The following ZNF106 variants were observed in gnomAD, a reference collection of about 807,000 sequenced individuals.
ZNF106 encodes SH3-domain binding protein 3.
Under a neutral mutation model 195.1 loss-of-function variants are expected in ZNF106, and 67 were observed. That is an observed-to-expected ratio of 0.34 (90% CI 0.28 to 0.42). The LOEUF (loss-of-function observed/expected upper bound fraction) is 0.42. ZNF106 is among the 10% of genes least tolerant of loss of function. ZNF106 has a pLI of 1.00. For synonymous variants in ZNF106, 784 were observed against 818.6 expected (o/e 0.96, Z 0.72); for missense variants, 2,118 against 2,304.5 (o/e 0.92, Z 1.66).
chr15:42,469,054 G>A (rs535814654), intron 2 of ZNF106, among the ~76,000 whole-genome samples: 4 of 151,970 alleles, frequency 2.6e-5, no homozygotes, highest in Admixed American at 6.6e-5. Context: ...GCGTGGTGGC[G>A]CATGCCTGTA....
chr15:42,466,659 T>C (rs1567026985), intron 2 of ZNF106, among the ~76,000 whole-genome samples: 1 of 152,216 alleles, frequency 6.6e-6, no homozygotes, highest in Non-Finnish European at 1.5e-5. Context: ...CTATGCTAGA[T>C]AAGAAAGTTT....
chr15:42,432,911 C>A (rs2055109287), intron 14 of ZNF106, among the ~76,000 whole-genome samples: 1 of 151,890 alleles, frequency 6.6e-6, no homozygotes, highest in African/African-American at 2.4e-5. Flanking sequence ...CTCTTGTAGA[C>A]AACAAAGATT....
At chr15:42,478,840 T>A (rs1341431697) in intron 1 of ZNF106, among the ~76,000 whole-genome samples, 1 of 152,092 alleles carries the variant, frequency 6.6e-6, no homozygotes, top group Non-Finnish European at 1.5e-5. Flanking sequence ...ACCTCCTACC[T>A]TTTTTCTCTT....
intron 8 of ZNF106, among the ~76,000 whole-genome samples, 162 bp from the exon 9 acceptor site, chr15:42,444,424 G>C (rs1424328528): frequency 6.6e-6 from 1 of 152,150 alleles, no homozygotes; most frequent in Non-Finnish European, 1.5e-5. Flanking sequence ...ACCCTACCTG[G>C]GGCCTTGAAG....
intron 1 of ZNF106, among the ~76,000 whole-genome samples, chr15:42,490,664 C>G (rs1401295236): frequency 6.6e-6 from 1 of 152,172 alleles, no homozygotes; most frequent in Non-Finnish European, 1.5e-5. Context: ...GGTCTTTGGA[C>G]TCCCTGCCCA....
intron 16 of ZNF106, chr15:42,424,548 C>A: frequency 2.8e-6 from 1 of 359,350 alleles, no homozygotes; most frequent in Non-Finnish European, 5.1e-6. Context: ...TACAGTGGCA[C>A]AATCATGGCT....
intron 20 of ZNF106, among the ~76,000 whole-genome samples, chr15:42,418,676 G>A (rs1046615392): frequency 6.0e-5 from 9 of 148,906 alleles, no homozygotes; most frequent in South Asian, 2.3e-4. Context: ...ACCGCACCCC[G>A]CCCGAAAGGG....
At position 42,472,253 on chromosome 15, in the gene ZNF106, C is replaced by A; in HGVS notation, c.37G>T (p.Val13Leu). ...RERKCILCHIVYSSKKEMDEH... is the reference protein window; with the variant it reads ...RERKCILCHILYSSKKEMDEH... ...ATTATTACCTTTTTTGAGCTGTACA[C>A]GATGTGGCATAATATGCATTTTCGT... Residue 13 changes from valine to leucine, a missense_variant, in exon 2 of 22, where the codon GTG (valine) becomes TTG (leucine). By Grantham distance (32) the Val-to-Leu change is conservative (BLOSUM62 1). Transcript: ENST00000564754. 1 of 1,535,728 alleles carries A rather than the reference C, an allele frequency of 6.5e-7. No homozygotes were observed. Among genetic ancestry groups the A allele is most frequent in the Non-Finnish European group, 8.7e-7 (1 of 1,146,732 alleles).
intron 1 of ZNF106, among the ~76,000 whole-genome samples, chr15:42,487,274 G>A (rs1027892103): frequency 7.2e-5 from 11 of 151,938 alleles, no homozygotes; most frequent in African/African-American, 2.4e-4. Context: ...TTGAGGCCAG[G>A]AGTTCAACAC....
chr15:42,438,974 T>C, intron 11 of ZNF106, 59 bp downstream of exon 11: 3 of 1,517,042 alleles, frequency 2.0e-6, no homozygotes, highest in Non-Finnish European at 2.7e-6. Flanking sequence ...TTTCAAATTC[T>C]ATTTAAAAAA....
At chr15:42,445,037 ACAGCT>A in intron 7 of ZNF106, 56 bp from the exon 8 acceptor site, 1 of 1,600,012 alleles carries the variant, frequency 6.2e-7, no homozygotes. Flanking sequence ...CTCTCATCAC[ACAGCT>A]CAGAAGACTA....
chr15:42,456,929 A>G, intron 4 of ZNF106, 29 bp downstream of exon 4: 1 of 1,588,550 alleles, frequency 6.3e-7, no homozygotes, highest in Non-Finnish European at 8.6e-7. Context: ...TGTTATAGAT[A>G]GGCTTTTTTT....
At chr15:42,434,654 A>T (rs2055204120) in intron 14 of ZNF106, among the ~76,000 whole-genome samples, 1 of 152,172 alleles carries the variant, frequency 6.6e-6, no homozygotes, top group African/African-American at 2.4e-5. Flanking sequence ...AACATATTGT[A>T]TATAATTTTA....
chr15:42,426,623 C>T (rs999211819), intron 15 of ZNF106, among the ~76,000 whole-genome samples: 2 of 143,416 alleles, frequency 1.4e-5, no homozygotes, highest in South Asian at 2.2e-4. Flanking sequence ...AGGCTGGTCT[C>T]GAACTTCTGG....
chr15:42,483,091 T>C (rs2056939217), intron 1 of ZNF106, among the ~76,000 whole-genome samples: 1 of 152,182 alleles, frequency 6.6e-6, no homozygotes, highest in Non-Finnish European at 1.5e-5. Flanking sequence ...GGGCCTGCCC[T>C]AAAGTTAGAA....
At position 42,419,894 on chromosome 15, in the gene ZNF106, GA is replaced by G. The variant is rs2054596174; in HGVS notation, c.5517+1166del. On this transcript the variant is annotated intron_variant, in intron 20 of 21. Coordinates refer to ENST00000564754, the MANE Select transcript of ZNF106 (RefSeq NM_001366845.3). ...GAACCAGGGAGTCGGAGGTTGCAGT[GA>G]GCCGAGATTGCACCACTGCACTCCA... Among the ~76,000 whole-genome samples the G allele has an allele frequency of 3.3e-5, 5 of 152,262 alleles. No individual in the cohort carries two copies. In the South Asian group the frequency reaches 1.0e-3, roughly 32 times the overall value.
At chr15:42,436,768 T>C (rs1432608523) in intron 13 of ZNF106, among the ~76,000 whole-genome samples, 4 of 152,216 alleles carry the variant, frequency 2.6e-5, no homozygotes. Context: ...CCTCCTCCAG[T>C]ACTTCCCCAT....
At chr15:42,454,121 CT>C (rs1462900850) in intron 4 of ZNF106, among the ~76,000 whole-genome samples, 1 of 152,152 alleles carries the variant, frequency 6.6e-6, no homozygotes, top group Non-Finnish European at 1.5e-5. Context: ...TCAATACTGA[CT>C]TTAATTGGCT....
chr15:42,437,902 CAA>C (rs35756160), intron 12 of ZNF106, among the ~76,000 whole-genome samples: 17 of 81,062 alleles, frequency 2.1e-4, no homozygotes, highest in Non-Finnish European at 1.5e-4. Context: ...GACTCCGTCT[CAA>C]AAAAAAAAAA....
Sources: gnomAD v4.1 joint callset for allele counts (sites outside exome capture counted in the v4.1 genomes callset) on GRCh38, gnomAD v4.1.1 for gene constraint, MANE v1.5 for transcripts, NCBI Gene and HGNC (gene_info 2026-07-23, HGNC 2026-07-21) for gene names.